The following COLEC10 variants were observed in gnomAD, a reference collection of about 807,000 sequenced individuals.
COLEC10 encodes collectin subfamily member 10, also known as collectin-10.
Under a neutral mutation model 28.4 loss-of-function variants are expected in COLEC10, and 22 were observed. The ratio of observed to expected loss-of-function variants is 0.78; its 90% CI spans 0.55 to 1.11. The LOEUF (loss-of-function observed/expected upper bound fraction) is 1.11. Among genes scored for constraint, COLEC10 ranks in the 50% least tolerant of loss-of-function variants. The probability of loss-of-function intolerance (pLI) is 0.00; values close to 1 mark genes in which losing one functional copy is unlikely to be tolerated. For synonymous variants in COLEC10, 125 were observed against 116.1 expected, an observed-to-expected ratio of 1.08 and a Z score of -0.49; for missense variants, 361 against 344.1, an observed-to-expected ratio of 1.05 and a Z score of -0.39.
At position 119,069,922 on chromosome 8, in the gene COLEC10, T is replaced by C. The variant is rs556829370; in HGVS notation, c.148+2493T>C. ...AGCACTGCAGCACAGTGCTCAGAAGTTTCTAGATACTCTGGGAAACAGTGA... is the reference window on the plus strand; with the variant it reads ...AGCACTGCAGCACAGTGCTCAGAAGCTTCTAGATACTCTGGGAAACAGTGA... On this transcript the variant is annotated intron_variant, in intron 1 of 5. Coordinates refer to ENST00000332843, the MANE Select transcript of COLEC10 (RefSeq NM_006438.5). Among the ~76,000 whole-genome samples, 7 of 152,032 alleles carry C rather than the reference T, an allele frequency of 4.6e-5. No homozygotes were observed. In the East Asian group the frequency reaches 1.4e-3, roughly 29 times the overall value.
the COLEC10 span, among the ~76,000 whole-genome samples, chr8:118,974,417 G>T: frequency 1.3e-5 from 2 of 151,908 alleles, no homozygotes; most frequent in Non-Finnish European, 2.9e-5. Context: ...GTATACCAAA[G>T]TACTGTGCTC....
In COLEC10 at chr8:119,029,994, A is replaced by C. The variant is rs893808597; in HGVS notation, n.235+20441A>C. Among the ~76,000 whole-genome samples the C allele has an allele frequency of 6.6e-5, 10 of 152,210 alleles. 1 individual carries two copies. The highest frequency in any genetic ancestry group is 4.6e-4 in the Admixed American group (7 of 15,282). On this transcript the variant is annotated intron_variant and non_coding_transcript_variant, in intron 2 of 6. Coordinates refer to the COLEC10 transcript ENST00000521788. ...GTATGTAGTTTGCAGGAATAGGGATAGAGTAGGAAAATGTCCCTACTCATC... is the reference window on the plus strand; with the variant it reads ...GTATGTAGTTTGCAGGAATAGGGATCGAGTAGGAAAATGTCCCTACTCATC...
At chr8:119,077,764 C>CT (rs199566008) in intron 1 of COLEC10, among the ~76,000 whole-genome samples, 26 of 152,028 alleles carry the variant, frequency 1.7e-4, no homozygotes, top group South Asian at 4.2e-4. Flanking sequence ...CAGAATTATT[C>CT]TTTTTTTTAT....
At chr8:118,954,178 C>G in the COLEC10 span, among the ~76,000 whole-genome samples, 60 of 152,200 alleles carry the variant, frequency 3.9e-4, no homozygotes, top group Non-Finnish European at 6.6e-4. Context: ...TTTGGGGATT[C>G]AGGGGATTGG....
intron 3 of COLEC10, among the ~76,000 whole-genome samples, chr8:119,091,847 ATGTTGAATTATC>A (rs1248712185): frequency 6.6e-6 from 1 of 152,170 alleles, no homozygotes; most frequent in Non-Finnish European, 1.5e-5. Flanking sequence ...GATAGTCTTT[ATGTTGAATTATC>A]TCCTGGGATC....
intron 1 of COLEC10, among the ~76,000 whole-genome samples, chr8:119,004,089 A>C (rs184082630): frequency 6.6e-6 from 1 of 152,200 alleles, no homozygotes; most frequent in Non-Finnish European, 1.5e-5. Flanking sequence ...CTTTTGGAGA[A>C]GCTCTAGGCT....
intron 1 of COLEC10, among the ~76,000 whole-genome samples, chr8:119,004,066 A>G (rs1458278690): frequency 6.6e-6 from 1 of 152,108 alleles, no homozygotes; most frequent in Non-Finnish European, 1.5e-5. Flanking sequence ...ACCCATCCAG[A>G]ACAAGTAGCA....
chr8:118,967,933 A>G, the COLEC10 span, among the ~76,000 whole-genome samples: 1 of 152,210 alleles, frequency 6.6e-6, no homozygotes, highest in East Asian at 1.9e-4. Context: ...TAGTTCCTGC[A>G]GCCTAGGGGT....
chr8:119,077,143 G>A (rs1815254761), intron 1 of COLEC10, among the ~76,000 whole-genome samples: 1 of 151,896 alleles, frequency 6.6e-6, no homozygotes, highest in Non-Finnish European at 1.5e-5. Flanking sequence ...CAAAGGCAAG[G>A]GATATGACCT....
At chr8:119,089,081 T>C (rs1472086655) in intron 1 of COLEC10, among the ~76,000 whole-genome samples, 1 of 152,220 alleles carries the variant, frequency 6.6e-6, no homozygotes, top group Non-Finnish European at 1.5e-5. Context: ...GTGACTAACA[T>C]GGCATTAAAA....
the COLEC10 span, among the ~76,000 whole-genome samples, chr8:118,974,277 T>C: frequency 6.6e-6 from 1 of 151,984 alleles, no homozygotes; most frequent in Admixed American, 6.6e-5. Context: ...ACTATTTTAT[T>C]CATGCAATAC....
At chr8:119,075,465 C>T (rs890361447) in intron 1 of COLEC10, among the ~76,000 whole-genome samples, 50 of 152,170 alleles carry the variant, frequency 3.3e-4, no homozygotes, top group African/African-American at 1.2e-3. Context: ...AGTAAAGTAG[C>T]GCCTAACTAA....
rs1008028866 is a variant in COLEC10, at chr8:119,106,875, C to T, written c.*684C>T. 7.2e-5 allele frequency among the ~76,000 whole-genome samples: 11 copies of T among 152,210 alleles called. No individual in the cohort carries two copies. In the East Asian group the frequency reaches 1.9e-3, roughly 27 times the overall value. Reference sequence around the variant, plus strand: ...ACATATACCAAGTAGGTGCTTTGAACCCCTTTCTGTAGGCTCACACCTTAA... The same window carrying T: ...ACATATACCAAGTAGGTGCTTTGAATCCCTTTCTGTAGGCTCACACCTTAA... On this transcript the variant is annotated 3_prime_UTR_variant, in exon 6 of 6. Coordinates refer to ENST00000332843, the MANE Select transcript of COLEC10 (RefSeq NM_006438.5).
chr8:118,960,714 G>T, the COLEC10 span, among the ~76,000 whole-genome samples: 2 of 151,530 alleles, frequency 1.3e-5, no homozygotes, highest in Non-Finnish European at 2.9e-5. Context: ...GAACCGGTGG[G>T]GGGTGGAGGT....
the COLEC10 span, among the ~76,000 whole-genome samples, chr8:118,974,751 A>G: frequency 6.6e-6 from 1 of 152,080 alleles, no homozygotes; most frequent in East Asian, 1.9e-4. Context: ...GTTTTATCGA[A>G]GAAGTGGCAG....
At chr8:118,972,292 C>A in the COLEC10 span, among the ~76,000 whole-genome samples, 1 of 151,982 alleles carries the variant, frequency 6.6e-6, no homozygotes, top group African/African-American at 2.4e-5. Flanking sequence ...TAAGGGCTTA[C>A]TTGTAGCAAC....
intron 1 of COLEC10, among the ~76,000 whole-genome samples, chr8:119,086,908 G>A (rs1283979003): frequency 6.6e-6 from 1 of 152,196 alleles, no homozygotes; most frequent in East Asian, 1.9e-4. Context: ...AGCTTGTTCA[G>A]AACATGGGCT....
At chr8:119,012,428 T>C (rs1333998263) in intron 2 of COLEC10, among the ~76,000 whole-genome samples, 1 of 150,740 alleles carries the variant, frequency 6.6e-6, no homozygotes, top group Non-Finnish European at 1.5e-5. Context: ...TCTGTAGTTT[T>C]TTTTCTTGTA....
chr8:118,987,150 C>CA, the COLEC10 span, among the ~76,000 whole-genome samples: 5 of 151,374 alleles, frequency 3.3e-5, no homozygotes, highest in South Asian at 2.1e-4. Flanking sequence ...AGAGTGAAAA[C>CA]AAAAAAAACA....
Sources: allele counts gnomAD v4.1 joint callset (sites outside exome capture counted in the v4.1 genomes callset), GRCh38; gene constraint gnomAD v4.1.1; transcripts MANE v1.5; gene names NCBI Gene and HGNC (gene_info 2026-07-23, HGNC 2026-07-21).